The following AMPH variants were observed in gnomAD, a reference collection of about 807,000 sequenced individuals.
AMPH encodes the protein amphiphysin.
A neutral mutation model predicts 99.1 loss-of-function variants in AMPH; 49 were observed. The observed-to-expected ratio is 0.49, with a 90% confidence interval of 0.39 to 0.63. AMPH has a LOEUF of 0.63. Among genes scored for constraint, AMPH ranks in the 20% least tolerant of loss-of-function variants. The pLI is 0.00. For synonymous variants in AMPH, 314 were observed against 317.3 expected (o/e 0.99, Z 0.11); for missense variants, 759 against 863.4 (o/e 0.88, Z 1.52).
intron 11 of AMPH, among the ~76,000 whole-genome samples, chr7:38,439,093 TC>T (rs1234416898): frequency 2.6e-5 from 4 of 152,084 alleles, no homozygotes; most frequent in South Asian, 2.1e-4. Context: ...GTGTGGCACT[TC>T]CCCCCTGCTG....
intron 5 of AMPH, 113 bp downstream of exon 5, chr7:38,490,937 C>A: frequency 1.5e-6 from 1 of 652,646 alleles, no homozygotes; most frequent in South Asian, 2.4e-5. Context: ...TGAAAAGTTA[C>A]CAACTATCTT....
chr7:38,397,471 G>A (rs898182074), intron 17 of AMPH, among the ~76,000 whole-genome samples: 1 of 152,170 alleles, frequency 6.6e-6, no homozygotes, highest in Non-Finnish European at 1.5e-5. Flanking sequence ...AGCAGGCAAC[G>A]AAACTGGACT....
intron 11 of AMPH, among the ~76,000 whole-genome samples, chr7:38,459,478 G>A (rs555718720): frequency 6.6e-6 from 1 of 152,190 alleles, no homozygotes; most frequent in African/African-American, 2.4e-5. Context: ...AAAACAGCAT[G>A]ACATTGGTAT....
At chr7:38,561,591 T>C (rs945171632) in intron 1 of AMPH, among the ~76,000 whole-genome samples, 1 of 152,206 alleles carries the variant, frequency 6.6e-6, no homozygotes, top group Admixed American at 6.5e-5. Flanking sequence ...GAACCCTCAA[T>C]GAAGGAGAAA....
intron 9 of AMPH, among the ~76,000 whole-genome samples, chr7:38,463,785 T>C (rs1787547074): frequency 6.6e-6 from 1 of 152,226 alleles, no homozygotes; most frequent in Non-Finnish European, 1.5e-5. Flanking sequence ...ACCCACCATG[T>C]TCCTGGCATG....
chr7:38,406,731 C>CCTCTCTCTCTCTCTCTCTCTCTCT (rs56738810), intron 17 of AMPH, among the ~76,000 whole-genome samples: 17 of 80,532 alleles, frequency 2.1e-4, no homozygotes, highest in African/African-American at 7.1e-4. Context: ...TCTCCCTTTC[C>CCTCTCTCTCTCTCTCTCTCTCTCT]CTCTCTCTCT....
intron 1 of AMPH, among the ~76,000 whole-genome samples, chr7:38,557,921 T>C (rs1278518141): frequency 5.3e-5 from 8 of 151,422 alleles, no homozygotes; most frequent in Non-Finnish European, 1.0e-4. Flanking sequence ...CCACGCATGG[T>C]GGCACACGCT....
chr7:38,519,835 T>C (rs933954077), intron 2 of AMPH, among the ~76,000 whole-genome samples: 8 of 152,158 alleles, frequency 5.3e-5, no homozygotes, highest in Non-Finnish European at 7.4e-5. Context: ...CACATGTTCA[T>C]TGCAGTACTA....
At chr7:38,564,122 C>T (rs993379675) in intron 1 of AMPH, among the ~76,000 whole-genome samples, 4 of 152,174 alleles carry the variant, frequency 2.6e-5, no homozygotes, top group African/African-American at 9.7e-5. Flanking sequence ...AAATCCCTAG[C>T]ATTTTTAATT....
chr7:38,390,554 A>G (rs1207904476), intron 19 of AMPH, among the ~76,000 whole-genome samples: 1 of 151,840 alleles, frequency 6.6e-6, no homozygotes, highest in Non-Finnish European at 1.5e-5. Context: ...CTTTCCCTCA[A>G]CTCCACCCCT....
At chr7:38,394,510 T>C (rs1219672424) in intron 17 of AMPH, among the ~76,000 whole-genome samples, 3 of 152,164 alleles carry the variant, frequency 2.0e-5, no homozygotes, top group African/African-American at 7.2e-5. Context: ...TTTTAAGGTG[T>C]AGGTGGTCCT....
At chr7:38,403,058 G>C (rs1784886239) in intron 17 of AMPH, among the ~76,000 whole-genome samples, 1 of 151,926 alleles carries the variant, frequency 6.6e-6, no homozygotes, top group South Asian at 2.1e-4. Flanking sequence ...TGTTGTTGTT[G>C]TTGTTTTTTC....
rs988300320 is a variant in AMPH at position 38,493,032 on chromosome 7, T to A, written c.300+1401A>T. 2.6e-5 allele frequency among the ~76,000 whole-genome samples: 4 copies of A among 152,218 alleles called. No homozygotes were observed. The East Asian group carries it at 7.7e-4, about 29-fold the overall frequency. On this transcript the variant is annotated intron_variant, in intron 4 of 20. Transcript: ENST00000356264. ...GGCCAAATCTACATCCTGAAAGTTT[T>A]TGAAAGATGTAAAGGAGCCAACAAA...
chr7:38,517,236 C>T (rs1458417555), intron 2 of AMPH, among the ~76,000 whole-genome samples: 1 of 152,182 alleles, frequency 6.6e-6, no homozygotes, highest in Non-Finnish European at 1.5e-5. Flanking sequence ...TGTCCCCACT[C>T]AAATTTCATG....
At chr7:38,537,455 AG>A (rs1363586194) in intron 1 of AMPH, among the ~76,000 whole-genome samples, 1 of 152,218 alleles carries the variant, frequency 6.6e-6, no homozygotes, top group Non-Finnish European at 1.5e-5. Context: ...GCTTATACTG[AG>A]AAAAAGCCAG....
chr7:38,433,806 T>A (rs1023185266), intron 12 of AMPH, among the ~76,000 whole-genome samples: 1 of 151,662 alleles, frequency 6.6e-6, no homozygotes, highest in East Asian at 1.9e-4. Context: ...CACCAGTTAT[T>A]TTCTTTAAAA....
At position 38,429,731 on chromosome 7, in the gene AMPH, A is replaced by T. The variant is rs1404787392; in HGVS notation, c.1182+111T>A. 3.6e-6 allele frequency: 5 copies of T among 1,378,394 alleles called. No individual in the cohort carries two copies. The East Asian group carries it at 9.3e-5, about 26-fold the overall frequency. The allele number at this position is 1,378,394 out of a possible 1,614,324, so 85.4% of individuals were successfully genotyped here. ...ATTACATTCATTGGCTTAAGGTTTA[A>T]ATCTATGACTAGCAATGCCATGGGG... On this transcript the variant is annotated intron_variant, in intron 14 of 20. Transcript: ENST00000356264.
intron 1 of AMPH, among the ~76,000 whole-genome samples, chr7:38,570,846 TGGAA>T (rs1791918614): frequency 7.3e-6 from 1 of 137,210 alleles, no homozygotes; most frequent in African/African-American, 2.7e-5. Context: ...GGCGTGGAGG[TGGAA>T]GACAGTGATA....
intron 11 of AMPH, among the ~76,000 whole-genome samples, chr7:38,458,381 CA>C (rs1787312017): frequency 6.6e-6 from 1 of 151,994 alleles, no homozygotes. Context: ...ATCTTAATAC[CA>C]AAACCAAACA....
Sources: gnomAD v4.1 joint callset for allele counts (sites outside exome capture counted in the v4.1 genomes callset) on GRCh38, gnomAD v4.1.1 for gene constraint, MANE v1.5 for transcripts, NCBI Gene and HGNC (gene_info 2026-07-23, HGNC 2026-07-21) for gene names.